NUP98: variants seen among roughly 807,000 people sequenced by gnomAD.
NUP98 encodes nucleoporin 98 and 96 precursor, also known as nuclear pore complex protein Nup98-Nup96.
Under a neutral mutation model 191.9 loss-of-function variants are expected in NUP98, and 26 were observed. That is an observed-to-expected ratio of 0.14 (90% CI 0.10 to 0.19). The LOEUF is 0.19. Ranked by LOEUF, NUP98 falls within the 10% of genes least tolerant of loss-of-function variation. The probability of loss-of-function intolerance (pLI) is 1.00; values close to 1 mark genes in which losing one functional copy is unlikely to be tolerated. For missense variants in NUP98, 1,941 were observed against 2,178.8 expected, an observed-to-expected ratio of 0.89 and a Z score of 2.17; for synonymous variants, 808 against 778.4, an observed-to-expected ratio of 1.04 and a Z score of -0.63.
intron 20 of NUP98, among the ~76,000 whole-genome samples, chr11:3,710,007 A>G (rs1277934851): frequency 6.6e-6 from 1 of 151,750 alleles, no homozygotes; most frequent in Non-Finnish European, 1.5e-5. Flanking sequence ...ACAAAAAAAA[A>G]AAAAAAGGCT....
chr11:3,676,100 G>A lies in NUP98; in HGVS notation c.*59C>T. On this transcript the variant is annotated 3_prime_UTR_variant, in exon 33 of 33. Transcript: ENST00000324932. The stretch of plus-strand genomic sequence containing the variant: ...GGCAAACAGTGCCAATCCAAACAAG[G>A]CAGGGAACCTCTGTGTGGTGTGAAT... 1 of 1,517,636 alleles carries A rather than the reference G, an allele frequency of 6.6e-7. No individual in the cohort carries two copies. The highest frequency in any genetic ancestry group is 2.3e-5 in the East Asian group (1 of 42,824). The allele number at this position is 1,517,636 out of a possible 1,614,324, so 94.0% of individuals were successfully genotyped here.
At chr11:3,739,494 G>A (rs533024334) in intron 12 of NUP98, among the ~76,000 whole-genome samples, 204 of 152,154 alleles carry the variant, frequency 1.3e-3, no homozygotes, top group Non-Finnish European at 2.5e-3. Context: ...TGATCCACCC[G>A]CCTCGGCCTC....
rs55821497 is a variant in NUP98, at chr11:3,720,832, C to CAAAA, written c.2147-11_2147-8dup. On this transcript the variant is annotated splice_polypyrimidine_tract_variant and splice_region_variant and intron_variant, in intron 16 of 32. Coordinates refer to ENST00000324932, the MANE Select transcript of NUP98 (RefSeq NM_016320.5). ...ACCTTAGTGAGAATAATACCTGTGACAAAAAAAAAAAAAAAAACAGAAAAA... is the reference window on the plus strand; with the variant it reads ...ACCTTAGTGAGAATAATACCTGTGACAAAAAAAAAAAAAAAAAAAAACAGAAAAA... 664 of 375,744 alleles carry CAAAA rather than the reference C, an allele frequency of 1.8e-3. No homozygotes were observed. Among genetic ancestry groups the CAAAA allele is most frequent in the South Asian group, 4.0e-3 (88 of 22,166 alleles). The allele number at this position is 375,744 out of a possible 1,614,324, so 23.3% of individuals were successfully genotyped here.
intron 12 of NUP98, among the ~76,000 whole-genome samples, chr11:3,738,107 A>AAAAAAAAAAAACC (rs1554894745): frequency 1.4e-5 from 2 of 147,570 alleles, no homozygotes; most frequent in Non-Finnish European, 3.0e-5. Flanking sequence ...AAAAAAAAAA[A>AAAAAAAAAAAACC]CCAAAGACTT....
chr11:3,707,285 T>A (rs983575513), intron 20 of NUP98, among the ~76,000 whole-genome samples: 5 of 152,196 alleles, frequency 3.3e-5, no homozygotes, highest in African/African-American at 1.2e-4. Context: ...TATATTTACA[T>A]TTATTAAGCA....
chr11:3,785,250 C>T (rs2082103678), intron 1 of NUP98, among the ~76,000 whole-genome samples: 1 of 151,886 alleles, frequency 6.6e-6, no homozygotes, highest in South Asian at 2.1e-4. Context: ...TGATAATTAA[C>T]CAAACCATGA....
rs754889801 is a variant in NUP98, at chr11:3,735,225, C to T, written c.1508G>A (p.Arg503Gln). 8.1e-6 allele frequency: 13 copies of T among 1,596,582 alleles called. No homozygotes were observed. In the Admixed American group the frequency reaches 1.7e-4, roughly 21 times the overall value. ...CTTCTTAGGGTCTGACATCGGATTC[C>T]GGAAGAGAGGAGAGTCTCCAAAAGG... ...YSPFGDSPLF[R>Q]NPMSDPKKKE... The change falls in exon 13 of 33, where the codon CGG becomes CAG. Residue 503 changes from arginine (R) to glutamine (Q), a missense_variant. Coordinates refer to ENST00000324932, the MANE Select transcript of NUP98 (RefSeq NM_016320.5).
intron 15 of NUP98, among the ~76,000 whole-genome samples, chr11:3,724,789 A>AAAAAAAAAAAAG (rs1259105482): frequency 2.7e-5 from 4 of 150,364 alleles, no homozygotes; most frequent in South Asian, 2.1e-4. Flanking sequence ...TCAAAAAAAA[A>AAAAAAAAAAAAG]AAAGAAAGAA....
At position 3,676,200 on chromosome 11, in the gene NUP98, T is replaced by A. The variant is rs1301604460; in HGVS notation, c.5362A>T (p.Thr1788Ser). 5.0e-6 allele frequency: 8 copies of A among 1,613,786 alleles called. No individual in the cohort carries two copies. In the South Asian group the frequency reaches 8.8e-5, roughly 18 times the overall value. ...DYAMDELRSLTQSYLRELAVG... is the reference protein window; with the variant it reads ...DYAMDELRSLSQSYLRELAVG... Reference sequence around the variant, plus strand: ...GCCAGTTCTCGCAGATAGGACTGGGTAAGGCTGCGCAGTTCGTCCATGGCA... The same window carrying A: ...GCCAGTTCTCGCAGATAGGACTGGGAAAGGCTGCGCAGTTCGTCCATGGCA... The change falls in exon 33 of 33, where the codon ACC becomes TCC. Residue 1788 changes from threonine to serine, a missense_variant. Physicochemically the swap from Thr to Ser is moderately conservative, Grantham distance 58. Around this residue, in one of 6 missense-constraint regions of NUP98, gnomAD observed 1,030 missense variants for 1,115.8 expected, o/e 0.92. Coordinates refer to ENST00000324932, the MANE Select transcript of NUP98 (RefSeq NM_016320.5).
At chr11:3,741,901 T>C (rs1281071008) in intron 12 of NUP98, among the ~76,000 whole-genome samples, 1 of 152,228 alleles carries the variant, frequency 6.6e-6, no homozygotes, top group East Asian at 1.9e-4. Flanking sequence ...TATTAAATTG[T>C]GTGGAATGAA....
rs944155754 is a variant in NUP98 at position 3,678,844 on chromosome 11, C to T, written c.5073+710G>A. 1.8e-4 allele frequency among the ~76,000 whole-genome samples: 27 copies of T among 151,998 alleles called. 1 individual carries two copies. The highest frequency in any genetic ancestry group is 3.9e-4 in the Admixed American group (6 of 15,242). Reference sequence around the variant, plus strand: ...GACTGACCTTAAGGCTGCGTGCAGGCGTGCGGTAAGCTCATGCCTGTAATC... The same window carrying T: ...GACTGACCTTAAGGCTGCGTGCAGGTGTGCGGTAAGCTCATGCCTGTAATC... On this transcript the variant is annotated intron_variant, in intron 31 of 32. Coordinates refer to ENST00000324932, the MANE Select transcript of NUP98 (RefSeq NM_016320.5).
At chr11:3,743,034 G>A (rs1403194908) in intron 12 of NUP98, among the ~76,000 whole-genome samples, 1 of 149,848 alleles carries the variant, frequency 6.7e-6, no homozygotes, top group African/African-American at 2.5e-5. Flanking sequence ...TCTTTTTTTT[G>A]TTGAGACGGA....
chr11:3,734,040 C>CT (rs146511321), intron 13 of NUP98, among the ~76,000 whole-genome samples: 11,589 of 145,906 alleles, frequency 0.079, 822 homozygotes, highest in South Asian at 0.19. Flanking sequence ...TCCCATTTCT[C>CT]TTTTTTTTTT....
chr11:3,783,302 C>T (rs1299271531), intron 1 of NUP98, among the ~76,000 whole-genome samples: 5 of 151,998 alleles, frequency 3.3e-5, no homozygotes, highest in Non-Finnish European at 5.9e-5. Context: ...GTGGGAGGAG[C>T]GCTTGAGCCC....
chr11:3,731,408 A>C lies in NUP98; in HGVS notation c.1713T>G (p.Asn571Lys). 1 of 1,581,514 alleles carries C rather than the reference A, an allele frequency of 6.3e-7. No homozygotes were observed. The highest frequency in any genetic ancestry group is 8.6e-7 in the Non-Finnish European group (1 of 1,162,988). Residue 571 changes from asparagine to lysine, a missense_variant, in exon 14 of 33, where the codon AAT becomes AAG. Transcript: ENST00000324932. ...GLDDDEPSLA[N>K]GAFMPKKSIK... ...AAACTCACTTGGGCATGAATGCTCC[A>C]TTGGCTAGGGATGGTTCATCGTCAT...
chr11:3,759,190 A>T (rs554708335), intron 10 of NUP98, among the ~76,000 whole-genome samples: 3 of 152,332 alleles, frequency 2.0e-5, no homozygotes, highest in Non-Finnish European at 4.4e-5. Flanking sequence ...TGGCACACAA[A>T]ATCCTCAAGA....
chr11:3,741,932 T>A (rs1158632697), intron 12 of NUP98, among the ~76,000 whole-genome samples: 1 of 152,244 alleles, frequency 6.6e-6, no homozygotes, highest in Non-Finnish European at 1.5e-5. Context: ...TTCAGACCTC[T>A]AAGTAGTCAA....
chr11:3,710,052 C>T (rs1397106794), intron 20 of NUP98, among the ~76,000 whole-genome samples: 2 of 150,194 alleles, frequency 1.3e-5, no homozygotes, highest in East Asian at 3.9e-4. Flanking sequence ...TACCTGAGTG[C>T]CAAAGGCCTG....
intron 20 of NUP98, 125 bp from the exon 21 acceptor site, chr11:3,706,752 G>A (rs551787160): frequency 4.4e-5 from 39 of 893,424 alleles, no homozygotes; most frequent in Middle Eastern, 3.6e-4. Flanking sequence ...ATTCTATGGT[G>A]AGGTAAGGTA....
Sources: gnomAD v4.1 joint callset for allele counts (sites outside exome capture counted in the v4.1 genomes callset) on GRCh38, gnomAD v4.1.1 for gene constraint, gnomAD v4.1.1 regional missense constraint, MANE v1.5 for transcripts, NCBI Gene and HGNC (gene_info 2026-07-23, HGNC 2026-07-21) for gene names.